Variants in ZNF841 observed in about 807,000 individuals in gnomAD.
The protein encoded by ZNF841 is TCONS_00006091.
A neutral mutation model predicts 13.0 loss-of-function variants in ZNF841; 11 were observed. That is an observed-to-expected ratio of 0.85 (90% CI 0.53 to 1.40). ZNF841 has a LOEUF of 1.40. Among genes scored for constraint, ZNF841 ranks in the 40% most tolerant of loss-of-function variants. The pLI is 0.00. For synonymous variants in ZNF841, 369 were observed against 381.6 expected, an observed-to-expected ratio of 0.97 and a Z score of 0.38; for missense variants, 1,068 against 1,139.5, an observed-to-expected ratio of 0.94 and a Z score of 0.90.
chr19:52,072,427 G>GA (rs916452983), intron 6 of ZNF841, among the ~76,000 whole-genome samples: 2 of 151,960 alleles, frequency 1.3e-5, no homozygotes, highest in East Asian at 1.9e-4. Context: ...TATCGGAAAA[G>GA]AAAAAAAATT....
In ZNF841 at chr19:52,067,398, T is replaced by G. The variant is rs1196648514; in HGVS notation, c.484A>C (p.Asn162His). The G allele has an allele frequency of 6.5e-7, 1 of 1,546,450 alleles. No individual in the cohort carries two copies. Among genetic ancestry groups the G allele is most frequent in the Non-Finnish European group, 8.7e-7 (1 of 1,145,078 alleles). ...YKEGPMTHKN[N>H]LTGQRVRHSQ... ...TGTCGAACTCTTTGACCAGTAAGATTGTTTTTATGGGTCATCGGCCCTTCT... is the reference window on the plus strand; with the variant it reads ...TGTCGAACTCTTTGACCAGTAAGATGGTTTTTATGGGTCATCGGCCCTTCT... Residue 162 changes from asparagine (N) to histidine (H), a missense_variant, in exon 7 of 7, where the codon AAT becomes CAT. Transcript: ENST00000594440.
rs1421489677 is a variant in ZNF841 at position 52,065,989 on chromosome 19, G to A, written c.1893C>T (p.Gly631=). The stretch of plus-strand genomic sequence containing the variant: ...GGCATGAGTAGTAACTGAAGACCTT[G>A]CCGCATTCGTTACACTGGAAAGGTT... ...GEKPFQCNEC[G]KVFSYYSCLA... The change falls in exon 7 of 7, where the codon GGC becomes GGT. Residue 631 remains glycine (G), a synonymous_variant. Coordinates refer to ENST00000594440, the MANE Select transcript of ZNF841 (RefSeq NM_001136499.2). The A allele has an allele frequency of 6.2e-7, 1 of 1,614,146 alleles. No homozygotes were observed. Among genetic ancestry groups the A allele is most frequent in the Non-Finnish European group, 8.5e-7 (1 of 1,179,992 alleles).
intron 2 of ZNF841, among the ~76,000 whole-genome samples, chr19:52,093,344 A>T (rs552814063): frequency 6.6e-6 from 1 of 152,228 alleles, no homozygotes. Context: ...GGAAGACATT[A>T]TGCTAGGTGA....
chr19:52,070,887 A>T (rs760856833), intron 6 of ZNF841, among the ~76,000 whole-genome samples: 13 of 152,196 alleles, frequency 8.5e-5, no homozygotes, highest in Non-Finnish European at 1.6e-4. Context: ...TATAAAATTA[A>T]TATGCTAGTC....
chr19:52,081,747 A>C (rs1397928794), intron 4 of ZNF841, among the ~76,000 whole-genome samples: 3 of 152,136 alleles, frequency 2.0e-5, no homozygotes, highest in Non-Finnish European at 4.4e-5. Context: ...CCAGCTACTC[A>C]GGAGGCTGAA....
At chr19:52,075,962 C>T in intron 6 of ZNF841, 82 bp downstream of exon 6, 2 of 1,471,116 alleles carry the variant, frequency 1.4e-6, no homozygotes, top group Non-Finnish European at 1.8e-6. Flanking sequence ...AAATTTGTTT[C>T]CCCACAGAAC....
At chr19:52,086,055 C>T (rs2088263190) in intron 3 of ZNF841, among the ~76,000 whole-genome samples, 1 of 152,110 alleles carries the variant, frequency 6.6e-6, no homozygotes, top group Admixed American at 6.5e-5. Flanking sequence ...CAGGCAATCA[C>T]TTTTGGTGGA....
chr19:52,085,887 A>G (rs1319505260), intron 3 of ZNF841, among the ~76,000 whole-genome samples: 1 of 152,218 alleles, frequency 6.6e-6, no homozygotes. Flanking sequence ...TTTTAAGTAA[A>G]CATAACTTTT....
chr19:52,082,751 G>C (rs1340024537), intron 4 of ZNF841, among the ~76,000 whole-genome samples: 1 of 152,128 alleles, frequency 6.6e-6, no homozygotes. Context: ...CAAAGAGGAT[G>C]CAAAATACGC....
At chr19:52,075,913 A>C (rs2087884017) in intron 6 of ZNF841, 131 bp downstream of exon 6, 4 of 1,280,212 alleles carry the variant, frequency 3.1e-6, no homozygotes, top group Non-Finnish European at 4.2e-6. Flanking sequence ...CAAAGTGATA[A>C]GCAGGAAAGA....
At position 52,067,151 on chromosome 19, in the gene ZNF841, T is replaced by A. The variant is rs1205196248; in HGVS notation, c.731A>T (p.Gln244Leu). ...CTCGTCTTGTGTAGGTAACGAAAGT[T>A]GCAAAAAATCATTCCCATATTTCCT... ...ISRKYGNDFL[Q>L]LSLPTQDEKT... Residue 244 changes from glutamine (Q) to leucine (L), a missense_variant, in exon 7 of 7, where the codon CAA becomes CTA. By Grantham distance (113) the Gln-to-Leu change is moderately radical. Transcript: ENST00000594440. The A allele has an allele frequency of 1.3e-6, 2 of 1,555,056 alleles. No individual in the cohort carries two copies. Among genetic ancestry groups the A allele is most frequent in the South Asian group, 1.2e-5 (1 of 84,618 alleles).
chr19:52,079,826 T>C (rs927266400), intron 4 of ZNF841, among the ~76,000 whole-genome samples: 2 of 151,978 alleles, frequency 1.3e-5, no homozygotes, highest in African/African-American at 2.4e-5. Flanking sequence ...ATCCCGTCTC[T>C]ACTAAAAATA....
intron 4 of ZNF841, among the ~76,000 whole-genome samples, chr19:52,077,879 T>A (rs986660557): frequency 6.6e-5 from 10 of 152,202 alleles, no homozygotes; most frequent in African/African-American, 2.4e-4. Flanking sequence ...CGCTGAGGGC[T>A]AATCCCTGCT....
chr19:52,072,417 T>A (rs2087764162), intron 6 of ZNF841, among the ~76,000 whole-genome samples: 1 of 152,048 alleles, frequency 6.6e-6, no homozygotes, highest in Non-Finnish European at 1.5e-5. Flanking sequence ...TCAAAAGAAA[T>A]ATCGGAAAAG....
In ZNF841 at chr19:52,064,991, C is replaced by T. The variant is rs991825972; in HGVS notation, c.*116G>A. The stretch of plus-strand genomic sequence containing the variant: ...CTAAAACTTTCTTGAGAAAGCCACC[C>T]CCATCATCCAATCACCTCCCACTAG... On this transcript the variant is annotated 3_prime_UTR_variant, in exon 7 of 7. Transcript: ENST00000594440. 1 of 910,208 alleles carries T rather than the reference C, an allele frequency of 1.1e-6. No homozygotes were observed. The highest frequency in any genetic ancestry group is 1.7e-5 in the African/African-American group (1 of 58,828). The allele number at this position is 910,208 out of a possible 1,614,324, so 56.4% of individuals were successfully genotyped here.
Position 52,066,553 on chromosome 19 carries a change from T to G in ZNF841, c.1329A>C (p.Gln443His). The G allele has an allele frequency of 6.2e-7, 1 of 1,613,418 alleles. No individual in the cohort carries two copies. Among genetic ancestry groups the G allele is most frequent in the South Asian group, 1.1e-5 (1 of 91,030 alleles). The stretch of plus-strand genomic sequence containing the variant: ...TATGAATTATCTGGTGCCTTACAAG[T>G]TGTGAATTCTGATAAAAGACCTTGC... ...VCGKVFYQNS[Q>H]LVRHQIIHTG... Residue 443 changes from glutamine to histidine, a missense_variant, in exon 7 of 7, where the codon CAA (glutamine) becomes CAC (histidine). Gln to His is a conservative substitution (Grantham distance 24). Transcript: ENST00000594440.
Position 52,066,980 on chromosome 19 carries a change from C to T in ZNF841, c.902G>A (p.Gly301Asp), listed in dbSNP as rs1474464353. The change falls in exon 7 of 7, where the codon GGC becomes GAC. Residue 301 changes from glycine (G) to aspartate (D), a missense_variant. By Grantham distance (94) the Gly-to-Asp change is moderately conservative (BLOSUM62 -1). Coordinates refer to ENST00000594440, the MANE Select transcript of ZNF841 (RefSeq NM_001136499.2). The part of the protein sequence containing the change: ...CNESGKAFHR[G>D]SLLTVHQIVH... ...TATCTGATGTACTGTTAGTAGTGAGCCCCGATGAAAGGCTTTACCAGACTC... is the reference window on the plus strand; with the variant it reads ...TATCTGATGTACTGTTAGTAGTGAGTCCCGATGAAAGGCTTTACCAGACTC... 1 of 1,613,974 alleles carries T rather than the reference C, an allele frequency of 6.2e-7. No homozygotes were observed. Among genetic ancestry groups the T allele is most frequent in the African/African-American group, 1.3e-5 (1 of 74,922 alleles).
Position 52,064,876 on chromosome 19 carries a change from C to A in ZNF841, c.*231G>T, listed in dbSNP as rs150468365. 3 of 317,504 alleles carry A rather than the reference C, an allele frequency of 9.4e-6. No homozygotes were observed. Among genetic ancestry groups the A allele is most frequent in the Non-Finnish European group, 1.7e-5 (3 of 173,754 alleles). 19.7% of individuals were successfully genotyped at this position (317,504 alleles called of 1,614,324 possible). A position where few individuals can be genotyped will look rare whatever the true frequency, so the allele number is the denominator to read the frequency against. On this transcript the variant is annotated 3_prime_UTR_variant, in exon 7 of 7. Coordinates refer to ENST00000594440, the MANE Select transcript of ZNF841 (RefSeq NM_001136499.2). ...CTTGAACTCCTGACCTCAAGTGATC[C>A]GCCCACCTCAGCCTCCCAAAGTGCT... is the stretch of plus-strand genomic sequence containing the variant.
At position 52,064,524 on chromosome 19, in the gene ZNF841, C is replaced by CTCA. The variant is rs2087476248; in HGVS notation, c.*582_*583insTGA. ...TGCAGGCTTTATAGGAAACATGGCG[C>CTCA]TGACGTCTGTTCACCCTCTCGGGAA... On this transcript the variant is annotated 3_prime_UTR_variant, in exon 7 of 7. Transcript: ENST00000594440. The CTCA allele has an allele frequency of 2.0e-5, 3 of 153,758 alleles. No homozygotes were observed. In the South Asian group the frequency reaches 6.2e-4, roughly 32 times the overall value. 9.5% of individuals were successfully genotyped at this position (153,758 alleles called of 1,614,324 possible). A position where few individuals can be genotyped will look rare whatever the true frequency, so the allele number is the denominator to read the frequency against.
Sources: gnomAD v4.1 joint callset for allele counts (sites outside exome capture counted in the v4.1 genomes callset) on GRCh38, gnomAD v4.1.1 for gene constraint, MANE v1.5 for transcripts, NCBI Gene and HGNC (gene_info 2026-07-23, HGNC 2026-07-21) for gene names.